The following KCNB2 variants were observed in gnomAD, a reference collection of about 807,000 sequenced individuals.
KCNB2 encodes delayed rectifier potassium channel protein.
A neutral mutation model predicts 61.5 loss-of-function variants in KCNB2; 15 were observed. The observed-to-expected ratio is 0.24, with a 90% confidence interval of 0.16 to 0.38. The LOEUF (loss-of-function observed/expected upper bound fraction) is 0.38, where lower values mean the gene tolerates loss of function less well. Among genes scored for constraint, KCNB2 ranks in the 10% least tolerant of loss-of-function variants. KCNB2 has a pLI of 1.00. For missense variants in KCNB2, 828 were observed against 1,125.2 expected (o/e 0.74, Z 3.78); for synonymous variants, 457 against 446.0 (o/e 1.02, Z -0.31).
At chr8:72,827,826 T>C (rs1314578311) in intron 2 of KCNB2, among the ~76,000 whole-genome samples, 3 of 151,982 alleles carry the variant, frequency 2.0e-5, no homozygotes, top group Admixed American at 6.5e-5. Flanking sequence ...CTTTTTTTTT[T>C]TTTTGAGATG....
At chr8:72,895,966 G>A (rs1224020863) in intron 2 of KCNB2, among the ~76,000 whole-genome samples, 4 of 151,996 alleles carry the variant, frequency 2.6e-5, no homozygotes, top group Non-Finnish European at 5.9e-5. Context: ...AACTATTTAA[G>A]TTGTTATTTA....
At chr8:72,870,896 G>A (rs1421182259) in intron 2 of KCNB2, among the ~76,000 whole-genome samples, 1 of 152,210 alleles carries the variant, frequency 6.6e-6, no homozygotes, top group Non-Finnish European at 1.5e-5. Flanking sequence ...AGGATCACTT[G>A]AGCCTGGAAG....
At chr8:72,853,609 T>C (rs1810157101) in intron 2 of KCNB2, among the ~76,000 whole-genome samples, 1 of 152,182 alleles carries the variant, frequency 6.6e-6, no homozygotes, top group Admixed American at 6.5e-5. Flanking sequence ...TGATCCATGA[T>C]ATTATTGTGA....
At chr8:72,555,978 C>A (rs879799046) in intron 1 of KCNB2, among the ~76,000 whole-genome samples, 1 of 151,938 alleles carries the variant, frequency 6.6e-6, no homozygotes, top group Non-Finnish European at 1.5e-5. Context: ...TGAATATTTT[C>A]TCTCTTTGTC....
intron 2 of KCNB2, among the ~76,000 whole-genome samples, chr8:72,612,971 T>C (rs945983345): frequency 1.3e-5 from 2 of 152,208 alleles, no homozygotes; most frequent in African/African-American, 2.4e-5. Context: ...ATAACATTTC[T>C]ATCAAGTTAG....
chr8:72,616,453 A>C (rs960100093), intron 2 of KCNB2, among the ~76,000 whole-genome samples: 2 of 152,194 alleles, frequency 1.3e-5, no homozygotes, highest in Non-Finnish European at 2.9e-5. Flanking sequence ...AGTCAGCCAC[A>C]TCTCAGCCTG....
chr8:72,873,249 A>G (rs6472709), intron 2 of KCNB2, among the ~76,000 whole-genome samples: 11,211 of 152,238 alleles, frequency 0.074, 1,365 homozygotes, highest in African/African-American at 0.25. Flanking sequence ...CGCAGAGAGG[A>G]GACCACATGT....
At chr8:72,677,322 A>G (rs1378642690) in intron 2 of KCNB2, among the ~76,000 whole-genome samples, 2 of 152,178 alleles carry the variant, frequency 1.3e-5, no homozygotes, top group Non-Finnish European at 2.9e-5. Flanking sequence ...GTGCTTTGTT[A>G]AAGCAGCCCT....
intron 2 of KCNB2, among the ~76,000 whole-genome samples, chr8:72,635,645 G>A (rs946068388): frequency 6.6e-6 from 1 of 152,156 alleles, no homozygotes; most frequent in African/African-American, 2.4e-5. Flanking sequence ...TTCATAGGAT[G>A]GAGGTCCTCT....
At chr8:72,713,207 T>C (rs937315338) in intron 2 of KCNB2, among the ~76,000 whole-genome samples, 3 of 152,340 alleles carry the variant, frequency 2.0e-5, no homozygotes, top group Non-Finnish European at 4.4e-5. Flanking sequence ...GGAGGCCTGC[T>C]TGCCTCTGTA....
chr8:72,801,783 G>T (rs1251401079), intron 2 of KCNB2, among the ~76,000 whole-genome samples: 2 of 151,682 alleles, frequency 1.3e-5, no homozygotes, highest in Non-Finnish European at 2.9e-5. Context: ...CTTGGAGGGG[G>T]AGTAGAAGTT....
rs1340018820 is a variant in KCNB2 at position 72,863,848 on chromosome 8, A to G, written c.580-72087A>G. On this transcript the variant is annotated intron_variant, in intron 2 of 2. Coordinates refer to ENST00000523207, the MANE Select transcript of KCNB2 (RefSeq NM_004770.3). ...AACATGGCGAAACCTCGTCTCTACAAAAAAAAATAGCCAGGTGTGGTGGCA... is the reference window on the plus strand; with the variant it reads ...AACATGGCGAAACCTCGTCTCTACAGAAAAAAATAGCCAGGTGTGGTGGCA... Among the ~76,000 whole-genome samples, 3 of 152,014 alleles carry G rather than the reference A, an allele frequency of 2.0e-5. 1 individual carries two copies. Among genetic ancestry groups the G allele is most frequent in the Admixed American group, 1.3e-4 (2 of 15,254 alleles).
intron 2 of KCNB2, among the ~76,000 whole-genome samples, chr8:72,616,154 T>C (rs1489811488): frequency 6.6e-6 from 1 of 152,198 alleles, no homozygotes; most frequent in African/African-American, 2.4e-5. Context: ...AGGATTCCTT[T>C]TGAGTTTGCA....
intron 2 of KCNB2, among the ~76,000 whole-genome samples, chr8:72,633,732 A>G (rs1334237246): frequency 6.6e-6 from 1 of 152,148 alleles, no homozygotes; most frequent in Non-Finnish European, 1.5e-5. Flanking sequence ...ATGTATCACC[A>G]TGTTATTCCC....
chr8:72,616,026 G>A (rs1805614157), intron 2 of KCNB2, among the ~76,000 whole-genome samples: 1 of 152,164 alleles, frequency 6.6e-6, no homozygotes, highest in Admixed American at 6.5e-5. Flanking sequence ...TCCAGTTCAT[G>A]AAACCCAAGG....
chr8:72,681,290 A>C (rs1163220249), intron 2 of KCNB2, among the ~76,000 whole-genome samples: 2 of 152,204 alleles, frequency 1.3e-5, no homozygotes, highest in African/African-American at 4.8e-5. Flanking sequence ...GGAATATAAA[A>C]GGCAACAAAA....
At chr8:72,695,774 A>G (rs1364812238) in intron 2 of KCNB2, among the ~76,000 whole-genome samples, 1 of 152,188 alleles carries the variant, frequency 6.6e-6, no homozygotes, top group Admixed American at 6.6e-5. Context: ...ACATCAGTAT[A>G]TTCATAATCC....
At chr8:72,682,389 A>G (rs1806774468) in intron 2 of KCNB2, among the ~76,000 whole-genome samples, 1 of 152,098 alleles carries the variant, frequency 6.6e-6, no homozygotes, top group Non-Finnish European at 1.5e-5. Flanking sequence ...GCTAACTAGT[A>G]TTATAAAGGA....
chr8:72,630,724 A>T (rs1425096880), intron 2 of KCNB2, among the ~76,000 whole-genome samples: 1 of 152,204 alleles, frequency 6.6e-6, no homozygotes, highest in African/African-American at 2.4e-5. Context: ...TAATTGCCCA[A>T]ATTAGTGGCC....
Sources: allele counts gnomAD v4.1 joint callset (sites outside exome capture counted in the v4.1 genomes callset), GRCh38; gene constraint gnomAD v4.1.1; transcripts MANE v1.5; gene names NCBI Gene and HGNC (gene_info 2026-07-23, HGNC 2026-07-21).